The following ADGRL3 variants were observed in gnomAD, a reference collection of about 807,000 sequenced individuals.
ADGRL3 encodes calcium-independent alpha-latrotoxin receptor 3.
In ADGRL3, 62 loss-of-function variants were observed where a neutral mutation model predicts 153.5. The observed-to-expected ratio is 0.40, with a 90% CI of 0.33 to 0.50. The LOEUF (loss-of-function observed/expected upper bound fraction) is 0.50, where lower values mean the gene tolerates loss of function less well. ADGRL3 is among the 20% of genes least tolerant of loss of function. The pLI is 0.47. For missense variants in ADGRL3, 1,641 were observed against 1,859.4 expected, an observed-to-expected ratio of 0.88 and a Z score of 2.16; for synonymous variants, 710 against 672.5, an observed-to-expected ratio of 1.06 and a Z score of -0.86.
intron 2 of ADGRL3, among the ~76,000 whole-genome samples, chr4:61,438,949 C>T (rs976526993): frequency 6.6e-6 from 1 of 151,864 alleles, no homozygotes; most frequent in Non-Finnish European, 1.5e-5. Flanking sequence ...CCTCATGATC[C>T]GCCCACCTCT....
intron 1 of ADGRL3, among the ~76,000 whole-genome samples, chr4:61,263,460 G>GGA (rs577497951): frequency 3.8e-5 from 5 of 132,258 alleles, no homozygotes; most frequent in South Asian, 4.8e-4. Context: ...GAGTGCATTT[G>GGA]AAAAAAAAAA....
intron 4 of ADGRL3, among the ~76,000 whole-genome samples, chr4:61,521,609 G>A (rs900350173): frequency 2.0e-5 from 3 of 152,102 alleles, no homozygotes; most frequent in African/African-American, 7.2e-5. Context: ...TCTGACTCAA[G>A]GAGTGAGTGA....
At chr4:62,003,641 T>C (rs1163550350) in intron 21 of ADGRL3, among the ~76,000 whole-genome samples, 2 of 152,198 alleles carry the variant, frequency 1.3e-5, no homozygotes, top group African/African-American at 2.4e-5. Context: ...AACCACTCTG[T>C]ATGGAAATGC....
rs182085850 is a variant in ADGRL3, at chr4:61,296,497, G to A, written c.-239-86627G>A. 6.6e-3 allele frequency among the ~76,000 whole-genome samples: 1,011 copies of A among 152,280 alleles called. 15 individuals are homozygous for A. Among genetic ancestry groups the A allele is most frequent in the African/African-American group, 0.023 (951 of 41,540 alleles). The stretch of plus-strand genomic sequence containing the variant: ...CAGTAGATATGTGAAATAAAAATCA[G>A]CAGTTGCCTTGCCTTATATTTTGAT... On this transcript the variant is annotated intron_variant, in intron 1 of 26. Coordinates refer to ENST00000683033, the MANE Select transcript of ADGRL3 (RefSeq NM_001387552.1).
intron 8 of ADGRL3, among the ~76,000 whole-genome samples, chr4:61,761,711 C>A (rs2152202314): frequency 6.6e-6 from 1 of 152,310 alleles, no homozygotes; most frequent in South Asian, 2.1e-4. Flanking sequence ...AGAAGGATTG[C>A]TTGAAGCCAG....
Position 61,819,507 on chromosome 4 carries a change from C to T in ADGRL3, c.1480+5618C>T, listed in dbSNP as rs1249781312. Among the ~76,000 whole-genome samples the T allele has an allele frequency of 2.0e-5, 3 of 152,094 alleles. No homozygotes were observed. In the East Asian group the frequency reaches 5.8e-4, roughly 29 times the overall value. On this transcript the variant is annotated intron_variant, in intron 9 of 26. Coordinates refer to ENST00000683033, the MANE Select transcript of ADGRL3 (RefSeq NM_001387552.1). ...TTTCTTTCTCTTCCTGAAGCAATTT[C>T]ACCAGTCTACATATATGTTAATGTT...
intron 6 of ADGRL3, among the ~76,000 whole-genome samples, chr4:61,680,577 T>C (rs1243420206): frequency 1.3e-5 from 2 of 151,902 alleles, no homozygotes; most frequent in Non-Finnish European, 2.9e-5. Flanking sequence ...TAAAGTTCAT[T>C]GTATCACATA....
intron 2 of ADGRL3, among the ~76,000 whole-genome samples, chr4:61,462,464 T>C (rs2097833342): frequency 6.6e-6 from 1 of 152,020 alleles, no homozygotes; most frequent in African/African-American, 2.4e-5. Context: ...TTGGAGACAA[T>C]AGCTCCAGAA....
At chr4:61,526,958 T>G (rs180809148) in intron 4 of ADGRL3, among the ~76,000 whole-genome samples, 1 of 152,198 alleles carries the variant, frequency 6.6e-6, no homozygotes, top group Admixed American at 6.5e-5. Context: ...AATTCAAAAA[T>G]TACACTATGG....
chr4:61,662,468 C>A (rs2094629201), intron 5 of ADGRL3, among the ~76,000 whole-genome samples: 1 of 152,248 alleles, frequency 6.6e-6, no homozygotes, highest in South Asian at 2.1e-4. Context: ...CAGGGCAGCA[C>A]TGACATACCA....
At chr4:62,043,420 T>C (rs1323016908) in intron 24 of ADGRL3, among the ~76,000 whole-genome samples, 10 of 152,076 alleles carry the variant, frequency 6.6e-5, no homozygotes, top group Non-Finnish European at 1.5e-4. Context: ...TGTGTCTGTG[T>C]GTGTGTGCAT....
chr4:61,417,891 G>T (rs1278024438), intron 2 of ADGRL3, among the ~76,000 whole-genome samples: 16 of 152,040 alleles, frequency 1.1e-4, no homozygotes, highest in Non-Finnish European at 1.0e-4. Context: ...AGCAATGAAG[G>T]CCTTCAGTAA....
At chr4:62,028,972 T>C in intron 22 of ADGRL3, 91 bp downstream of exon 22, 1 of 1,133,186 alleles carries the variant, frequency 8.8e-7, no homozygotes, top group Non-Finnish European at 1.3e-6. Flanking sequence ...TCATTAGAGC[T>C]TCTGTCATTC....
chr4:61,910,632 T>G (rs868193011), intron 12 of ADGRL3, among the ~76,000 whole-genome samples: 4 of 151,938 alleles, frequency 2.6e-5, no homozygotes, highest in Admixed American at 2.0e-4. Flanking sequence ...ATTGAAACAA[T>G]TTTAGGGCCT....
At chr4:61,813,987 C>A in intron 9 of ADGRL3, 98 bp downstream of exon 9, 2 of 1,467,504 alleles carry the variant, frequency 1.4e-6, no homozygotes, top group South Asian at 1.3e-5. Context: ...AGTGCCTGTT[C>A]AAAAAGCAGG....
intron 6 of ADGRL3, among the ~76,000 whole-genome samples, chr4:61,703,915 T>TA (rs2095811950): frequency 6.6e-6 from 1 of 151,994 alleles, no homozygotes; most frequent in South Asian, 2.1e-4. Flanking sequence ...TGAGGAACAG[T>TA]ATCTGTTCCC....
chr4:61,856,997 T>TTTCC (rs2098279513), intron 9 of ADGRL3, among the ~76,000 whole-genome samples: 2 of 129,934 alleles, frequency 1.5e-5, no homozygotes, highest in Non-Finnish European at 3.3e-5. Flanking sequence ...TCTTTCTTTC[T>TTTCC]TTCTTTCTTT....
intron 5 of ADGRL3, among the ~76,000 whole-genome samples, chr4:61,591,890 G>T (rs1464070566): frequency 6.6e-6 from 1 of 151,652 alleles, no homozygotes; most frequent in Non-Finnish European, 1.5e-5. Context: ...CAGCCTGGAT[G>T]TTTTATGAAA....
chr4:61,530,874 A>G (rs918580163), intron 4 of ADGRL3, among the ~76,000 whole-genome samples: 3 of 152,212 alleles, frequency 2.0e-5, no homozygotes, highest in Admixed American at 6.5e-5. Flanking sequence ...AAAGTACTAG[A>G]GAACTTATCA....
Sources: gnomAD v4.1 joint callset for allele counts (sites outside exome capture counted in the v4.1 genomes callset) on GRCh38, gnomAD v4.1.1 for gene constraint, MANE v1.5 for transcripts, NCBI Gene and HGNC (gene_info 2026-07-23, HGNC 2026-07-21) for gene names.